Variants in TBC1D1 observed in about 807,000 individuals in gnomAD.
The protein encoded by TBC1D1 is TBC1 domain family member 1.
In TBC1D1, 89 loss-of-function variants were observed where a neutral mutation model predicts 125.6. The ratio of observed to expected loss-of-function variants is 0.71; its 90% CI spans 0.60 to 0.85. The LOEUF (loss-of-function observed/expected upper bound fraction) is 0.85. Ranked by LOEUF, TBC1D1 falls within the 40% of genes least tolerant of loss-of-function variation. The pLI is 0.00. For missense variants in TBC1D1, 1,377 were observed against 1,469.2 expected (o/e 0.94, Z 1.03); for synonymous variants, 565 against 564.1 (o/e 1.00, Z -0.02).
At chr4:38,123,967 G>T (rs1422863714) in intron 17 of TBC1D1, among the ~76,000 whole-genome samples, 1 of 152,106 alleles carries the variant, frequency 6.6e-6, no homozygotes, top group Non-Finnish European at 1.5e-5. Context: ...CACCCTGCAA[G>T]GTTATTCCTC....
At chr4:37,976,883 A>C (rs972804622) in intron 2 of TBC1D1, among the ~76,000 whole-genome samples, 1 of 152,086 alleles carries the variant, frequency 6.6e-6, no homozygotes, top group Non-Finnish European at 1.5e-5. Flanking sequence ...CTCCAAGAAA[A>C]CCACCTTTGA....
intron 15 of TBC1D1, among the ~76,000 whole-genome samples, chr4:38,114,140 G>A (rs935871779): frequency 5.3e-5 from 8 of 152,176 alleles, no homozygotes; most frequent in Non-Finnish European, 7.4e-5. Context: ...TGGAGTGGAA[G>A]ATAAAGCTGG....
rs78429520 is a variant in TBC1D1, at chr4:37,893,362, A to G, written c.-94+2014A>G. On this transcript the variant is annotated intron_variant, in intron 1 of 19. Coordinates refer to ENST00000261439, the MANE Select transcript of TBC1D1 (RefSeq NM_015173.4). ...CACGGCCCATTTGGGGACTTCCTGT[A>G]TATGTGTGGGTGCCTCAGGATCATT... 3.7e-3 allele frequency among the ~76,000 whole-genome samples: 568 copies of G among 152,290 alleles called. 3 individuals are homozygous for G. The highest frequency in any genetic ancestry group is 0.013 in the African/African-American group (543 of 41,560).
At chr4:37,924,724 G>T (rs549044815) in intron 2 of TBC1D1, among the ~76,000 whole-genome samples, 5 of 152,240 alleles carry the variant, frequency 3.3e-5, no homozygotes, top group African/African-American at 1.2e-4. Flanking sequence ...TTAAGGCTGA[G>T]TATTATTCCC....
At chr4:38,085,831 G>A (rs764351551) in intron 12 of TBC1D1, among the ~76,000 whole-genome samples, 31 of 152,168 alleles carry the variant, frequency 2.0e-4, no homozygotes, top group Non-Finnish European at 3.5e-4. Context: ...ACAGTGCCCC[G>A]GTTTATCATT....
intron 12 of TBC1D1, among the ~76,000 whole-genome samples, chr4:38,088,167 A>G (rs762336891): frequency 2.6e-5 from 4 of 152,088 alleles, no homozygotes; most frequent in Non-Finnish European, 5.9e-5. Context: ...AAAAAAAAAG[A>G]AAGGAAAGGG....
At chr4:38,046,676 T>G (rs1344816739) in intron 10 of TBC1D1, among the ~76,000 whole-genome samples, 1 of 152,204 alleles carries the variant, frequency 6.6e-6, no homozygotes, top group African/African-American at 2.4e-5. Flanking sequence ...TTCTGAAACT[T>G]TATCCTGTAG....
chr4:38,026,457 C>T (rs1246577101), intron 6 of TBC1D1, among the ~76,000 whole-genome samples: 3 of 152,224 alleles, frequency 2.0e-5, no homozygotes, highest in African/African-American at 7.2e-5. Context: ...GGCATGGTTT[C>T]CAAGTCCCTG....
At chr4:38,073,402 T>C (rs529881409) in intron 12 of TBC1D1, among the ~76,000 whole-genome samples, 7 of 152,376 alleles carry the variant, frequency 4.6e-5, no homozygotes, top group African/African-American at 1.7e-4. Context: ...GTTTTTATTA[T>C]AAAATAATGG....
chr4:37,996,138 C>A, intron 2 of TBC1D1: 1 of 466,538 alleles, frequency 2.1e-6, no homozygotes, highest in South Asian at 1.6e-5. Context: ...CTTGGAAAAG[C>A]TCTTGCCTGA....
At chr4:38,070,885 A>T (rs952066807) in intron 12 of TBC1D1, among the ~76,000 whole-genome samples, 1 of 152,242 alleles carries the variant, frequency 6.6e-6, no homozygotes, top group Non-Finnish European at 1.5e-5. Context: ...TTCTCATAGA[A>T]GTTTAAGATG....
At chr4:38,040,086 A>G (rs1467774069) in intron 8 of TBC1D1, among the ~76,000 whole-genome samples, 3 of 152,178 alleles carry the variant, frequency 2.0e-5, no homozygotes, top group Non-Finnish European at 4.4e-5. Context: ...CAATTTTTTA[A>G]ACATTTTATT....
At chr4:38,127,191 A>T (rs1764795287) in intron 18 of TBC1D1, among the ~76,000 whole-genome samples, 1 of 152,160 alleles carries the variant, frequency 6.6e-6, no homozygotes, top group Non-Finnish European at 1.5e-5. Context: ...AAAAAATCCC[A>T]TTGTCTCCTA....
intron 9 of TBC1D1, 86 bp downstream of exon 9, chr4:38,044,576 G>T: frequency 1.5e-6 from 2 of 1,364,938 alleles, no homozygotes; most frequent in East Asian, 4.9e-5. Flanking sequence ...TTCCATCAAT[G>T]TTCATCATAA....
chr4:37,944,272 C>T (rs1238758022), intron 2 of TBC1D1, among the ~76,000 whole-genome samples: 1 of 152,178 alleles, frequency 6.6e-6, no homozygotes, highest in Non-Finnish European at 1.5e-5. Context: ...AGTTAGGCTA[C>T]TTGGGGGTCA....
chr4:38,117,986 C>T (rs1289799126), intron 16 of TBC1D1, 47 bp from the exon 19 acceptor site: 2 of 1,581,170 alleles, frequency 1.3e-6, no homozygotes, highest in South Asian at 2.2e-5. Flanking sequence ...AACTTTATTG[C>T]TGTGGCAGAT....
chr4:37,904,701 T>C (rs1293702918), intron 2 of TBC1D1, among the ~76,000 whole-genome samples: 1 of 152,256 alleles, frequency 6.6e-6, no homozygotes, highest in African/African-American at 2.4e-5. Context: ...TAAGTGATTT[T>C]TGGCTTGCAT....
At chr4:38,062,726 G>T (rs755539075) in intron 12 of TBC1D1, among the ~76,000 whole-genome samples, 7 of 149,478 alleles carry the variant, frequency 4.7e-5, no homozygotes, top group Non-Finnish European at 1.0e-4. Flanking sequence ...CTATTTTTGT[G>T]CCTGTTAACA....
At position 38,137,337 on chromosome 4, in the gene TBC1D1, AGCTCTG is replaced by A. The variant is rs1560287453; in HGVS notation, c.*3_*8del. ...CAGCCCGAGCCCACGGGCGACTGAC[AGCTCTG>A]CAGGAGAGATTGCAACACCATCCCA... On this transcript the variant is annotated 3_prime_UTR_variant, in exon 20 of 20. Coordinates refer to ENST00000261439, the MANE Select transcript of TBC1D1 (RefSeq NM_015173.4). 3.7e-6 allele frequency: 6 copies of A among 1,607,230 alleles called. No homozygotes were observed. The highest frequency in any genetic ancestry group is 5.1e-6 in the Non-Finnish European group (6 of 1,177,056).
Sources: gnomAD v4.1 joint callset for allele counts (sites outside exome capture counted in the v4.1 genomes callset) on GRCh38, gnomAD v4.1.1 for gene constraint, MANE v1.5 for transcripts, NCBI Gene and HGNC (gene_info 2026-07-23, HGNC 2026-07-21) for gene names.